TRIM55: variants seen among roughly 807,000 people sequenced by gnomAD.
TRIM55 encodes tripartite motif-containing protein 55.
In TRIM55, 50 loss-of-function variants were observed where a neutral mutation model predicts 60.9. That is an observed-to-expected ratio of 0.82 (90% CI 0.65 to 1.04). The LOEUF is 1.04. Ranked by LOEUF, TRIM55 falls within the 50% of genes least tolerant of loss-of-function variation. The pLI is 0.00. For synonymous variants in TRIM55, 237 were observed against 238.1 expected (o/e 1.00, Z 0.04); for missense variants, 681 against 666.9 (o/e 1.02, Z -0.23).
the TRIM55 span, among the ~76,000 whole-genome samples, chr8:66,121,740 G>T: frequency 6.6e-6 from 1 of 152,162 alleles, no homozygotes; most frequent in Non-Finnish European, 1.5e-5. Context: ...TTATCCAACC[G>T]TAGGGCAGCC....
In TRIM55 at chr8:66,150,191, A is replaced by T. The variant is rs373060435; in HGVS notation, c.838-26A>T. ...GTCTTTTGTGGAAATAATTTAAGTA[A>T]GACTATCTTTTGTTTGCTTTCACAG... On this transcript the variant is annotated intron_variant, in intron 5 of 9. Coordinates refer to ENST00000315962, the MANE Select transcript of TRIM55 (RefSeq NM_184085.2). The T allele has an allele frequency of 8.1e-6, 13 of 1,609,328 alleles. No homozygotes were observed. The African/African-American group carries it at 1.7e-4, about 22-fold the overall frequency.
At chr8:66,139,813 A>C (rs1809699832) in intron 4 of TRIM55, among the ~76,000 whole-genome samples, 1 of 152,216 alleles carries the variant, frequency 6.6e-6, no homozygotes. Flanking sequence ...TTATAAGATG[A>C]AAAAACATAG....
chr8:66,135,267 G>T (rs964175037), intron 3 of TRIM55, 112 bp downstream of exon 3: 1 of 1,133,260 alleles, frequency 8.8e-7, no homozygotes, highest in Non-Finnish European at 1.3e-6. Flanking sequence ...CCCAAGCCAC[G>T]CAGGGCCATG....
chr8:66,149,261 A>G (rs1387363374), intron 4 of TRIM55, among the ~76,000 whole-genome samples: 3 of 152,206 alleles, frequency 2.0e-5, no homozygotes, highest in Non-Finnish European at 4.4e-5. Context: ...GAAGTATCAT[A>G]GTATTTTCCT....
chr8:66,175,384 A>G lies in TRIM55; in HGVS notation c.*791A>G, dbSNP rs1238334393. Reference sequence around the variant, plus strand: ...AACATATCACACATTAAATATATATATATTTAAATCATGCTTTGTTAATAT... The same window carrying G: ...AACATATCACACATTAAATATATATGTATTTAAATCATGCTTTGTTAATAT... On this transcript the variant is annotated 3_prime_UTR_variant, in exon 10 of 10. Coordinates refer to ENST00000315962, the MANE Select transcript of TRIM55 (RefSeq NM_184085.2). The G allele has an allele frequency of 6.6e-6, 1 of 152,206 alleles. No individual in the cohort carries two copies. The highest frequency in any genetic ancestry group is 1.5e-5 in the Non-Finnish European group (1 of 68,036). The allele number at this position is 152,206 out of a possible 1,614,324, so 9.4% of individuals were successfully genotyped here. A position where few individuals can be genotyped will look rare whatever the true frequency, so the allele number is the denominator to read the frequency against.
chr8:66,146,788 C>T (rs1563375795), intron 4 of TRIM55, among the ~76,000 whole-genome samples: 2 of 152,112 alleles, frequency 1.3e-5, no homozygotes, highest in Admixed American at 6.6e-5. Flanking sequence ...TTGAACAGTC[C>T]GACTCTCAAG....
the TRIM55 span, chr8:66,114,447 G>A: frequency 1.4e-5 from 6 of 440,946 alleles, no homozygotes; most frequent in East Asian, 4.2e-4. Context: ...CCATTTAATT[G>A]GGGGGAAATT....
chr8:66,154,099 TC>T lies in TRIM55; in HGVS notation c.1292del (p.Pro431LeufsTer39). 6.2e-7 allele frequency: 1 copy of T among 1,613,990 alleles called. No individual in the cohort carries two copies. The highest frequency in any genetic ancestry group is 8.5e-7 in the Non-Finnish European group (1 of 1,179,976). On this transcript the variant is annotated frameshift_variant, in exon 9 of 10. Coordinates refer to ENST00000315962, the MANE Select transcript of TRIM55 (RefSeq NM_184085.2). LOFTEE classifies it high-confidence loss of function. ...CAGACCACAGAGTCTGAAACTCCAG[TC>T]CCTGCAGCAGCAGAAACTGCGGATC... ...SEQTTESETP[V>X]PAAAETADPL...
the TRIM55 span, chr8:66,113,434 C>T: frequency 1.6e-5 from 7 of 447,142 alleles, no homozygotes; most frequent in Admixed American, 2.4e-5. Context: ...ATCCTTAGGT[C>T]GCTGGTTCGA....
At chr8:66,134,847 G>C (rs1809383225) in intron 2 of TRIM55, 143 bp from the exon 3 acceptor site, 1 of 825,656 alleles carries the variant, frequency 1.2e-6, no homozygotes, top group South Asian at 1.9e-5. Flanking sequence ...GCATGTGAAA[G>C]GGCCCCTGGG....
At chr8:66,173,268 G>T (rs1039180211) in intron 9 of TRIM55, among the ~76,000 whole-genome samples, 6 of 152,096 alleles carry the variant, frequency 3.9e-5, no homozygotes, top group Admixed American at 3.9e-4. Flanking sequence ...AAGCAATGTG[G>T]CAGTACAAAG....
At chr8:66,153,084 A>C (rs1312197239) in intron 8 of TRIM55, among the ~76,000 whole-genome samples, 1 of 152,148 alleles carries the variant, frequency 6.6e-6, no homozygotes, top group East Asian at 1.9e-4. Context: ...AAAAGTGATT[A>C]TACTTTCAGA....
At chr8:66,114,540 G>C in the TRIM55 span, 2 of 456,208 alleles carry the variant, frequency 4.4e-6, no homozygotes, top group African/African-American at 4.0e-5. Context: ...TATGATTTGT[G>C]ATAAGATGTC....
intron 9 of TRIM55, among the ~76,000 whole-genome samples, chr8:66,171,610 T>C (rs1315105155): frequency 6.6e-6 from 1 of 152,234 alleles, no homozygotes; most frequent in Non-Finnish European, 1.5e-5. Flanking sequence ...TGTAATTCTC[T>C]GTCCCTTGTT....
intron 2 of TRIM55, 89 bp from the exon 3 acceptor site, chr8:66,134,901 A>G (rs1809386329): frequency 7.2e-7 from 1 of 1,389,624 alleles, no homozygotes; most frequent in Non-Finnish European, 9.8e-7. Flanking sequence ...GAAGAGAAGG[A>G]ATTTGCAAGG....
At chr8:66,153,947 GCA>G (rs1315614109) in intron 8 of TRIM55, 98 bp from the exon 9 acceptor site, 1 of 1,154,710 alleles carries the variant, frequency 8.7e-7, no homozygotes, top group African/African-American at 1.6e-5. Flanking sequence ...TGCAGGGAGC[GCA>G]CAGTGTTCAA....
intron 3 of TRIM55, 64 bp downstream of exon 3, chr8:66,135,219 G>C: frequency 6.3e-7 from 1 of 1,584,004 alleles, no homozygotes; most frequent in Non-Finnish European, 8.6e-7. Flanking sequence ...GGCCTTCCTG[G>C]GGCCAGTGTG....
intron 9 of TRIM55, among the ~76,000 whole-genome samples, chr8:66,172,060 G>A (rs72650572): frequency 0.042 from 6,385 of 152,022 alleles, 189 homozygotes; most frequent in South Asian, 0.065. Context: ...AAGGAGGGGG[G>A]AAGAGGGGAA....
intron 9 of TRIM55, among the ~76,000 whole-genome samples, chr8:66,165,220 C>A (rs1165343002): frequency 6.6e-6 from 1 of 152,056 alleles, no homozygotes; most frequent in African/African-American, 2.4e-5. Flanking sequence ...CTTTGTGAGC[C>A]CCGCATCTCT....
Sources: gnomAD v4.1 joint callset for allele counts (sites outside exome capture counted in the v4.1 genomes callset) on GRCh38, gnomAD v4.1.1 for gene constraint, MANE v1.5 for transcripts, NCBI Gene and HGNC (gene_info 2026-07-23, HGNC 2026-07-21) for gene names.